The following FNTA variants were observed in gnomAD, a reference collection of about 807,000 sequenced individuals.
FNTA encodes protein farnesyltransferase/geranylgeranyltransferase type-1 subunit alpha.
Under a neutral mutation model 55.2 loss-of-function variants are expected in FNTA, and 27 were observed. The observed-to-expected ratio is 0.49, with a 90% CI of 0.36 to 0.67. The LOEUF (loss-of-function observed/expected upper bound fraction) is 0.67, where lower values mean the gene tolerates loss of function less well. Among genes scored for constraint, FNTA ranks in the 30% least tolerant of loss-of-function variants. The probability of loss-of-function intolerance (pLI) is 0.00; values close to 1 mark genes in which losing one functional copy is unlikely to be tolerated. For missense variants in FNTA, 422 were observed against 464.7 expected (o/e 0.91, Z 0.85); for synonymous variants, 176 against 170.7 (o/e 1.03, Z -0.24).
chr8:43,071,177 A>G (rs2130557666), intron 4 of FNTA, among the ~76,000 whole-genome samples: 1 of 152,172 alleles, frequency 6.6e-6, no homozygotes, highest in Admixed American at 6.5e-5. Flanking sequence ...GGTCCGTTTT[A>G]TTGAGATATA....
intron 3 of FNTA, 150 bp from the exon 4 acceptor site, chr8:43,069,405 C>G: frequency 1.7e-6 from 1 of 579,336 alleles, no homozygotes; most frequent in Non-Finnish European, 3.1e-6. Context: ...CAAGCATGAG[C>G]CACCGTGCTT....
Position 43,064,229 on chromosome 8 carries a change from A to G in FNTA, c.401+14A>G. The G allele has an allele frequency of 1.4e-6, 2 of 1,411,766 alleles. No individual in the cohort carries two copies. The highest frequency in any genetic ancestry group is 2.0e-6 in the Non-Finnish European group (2 of 997,224). 87.5% of individuals were successfully genotyped at this position (1,411,766 alleles called of 1,614,324 possible). A position where few individuals can be genotyped will look rare whatever the true frequency, so the allele number is the denominator to read the frequency against. ...TTATACAGTGTGGTAAGTAATACAC[A>G]TCATCAGTATTCCCTGCTTAAATGT... On this transcript the variant is annotated intron_variant, in intron 3 of 8. Coordinates refer to ENST00000302279, the MANE Select transcript of FNTA (RefSeq NM_002027.3).
chr8:43,066,884 AAGT>A (rs1389075174), intron 3 of FNTA, among the ~76,000 whole-genome samples: 1 of 152,060 alleles, frequency 6.6e-6, no homozygotes, highest in Non-Finnish European at 1.5e-5. Context: ...AAAGAGGATT[AAGT>A]AGTTTATTGC....
At chr8:43,076,106 C>T (rs555448720) in intron 5 of FNTA, among the ~76,000 whole-genome samples, 6 of 151,944 alleles carry the variant, frequency 3.9e-5, no homozygotes, top group South Asian at 2.1e-4. Flanking sequence ...TGCAATGGCA[C>T]GATCTCAGCT....
At position 43,085,424 on chromosome 8, in the gene FNTA, T is replaced by A. The variant is rs1001922251; in HGVS notation, c.*142T>A. The A allele has an allele frequency of 9.5e-5, 68 of 714,056 alleles. No individual in the cohort carries two copies. Among genetic ancestry groups the A allele is most frequent in the Non-Finnish European group, 9.3e-6 (4 of 427,858 alleles). 44.2% of individuals were successfully genotyped at this position (714,056 alleles called of 1,614,324 possible). ...ATTGCTTTTTAACAAGAACTGATGC[T>A]CCTTGGGTGCTGCTGCTACTCAGAC... is the stretch of plus-strand genomic sequence containing the variant. On this transcript the variant is annotated 3_prime_UTR_variant, in exon 9 of 9. Coordinates refer to ENST00000302279, the MANE Select transcript of FNTA (RefSeq NM_002027.3).
At position 43,084,867 on chromosome 8, in the gene FNTA, A is replaced by C; in HGVS notation, c.1003A>C (p.Asn335His). ...NQCDNKEDIL[N>H]KALELCEILA... ...GTGTGACAATAAGGAAGACATTCTT[A>C]ATAAAGCATTAGAGGTAAGCTGGTG... Residue 335 changes from asparagine (N) to histidine (H), a missense_variant, in exon 8 of 9, where the codon AAT becomes CAT. Asn to His is a moderately conservative substitution (Grantham distance 68). Around this residue, in one of 2 missense-constraint regions of FNTA, gnomAD observed 262 missense variants for 343.1 expected, o/e 0.76. Coordinates refer to ENST00000302279, the MANE Select transcript of FNTA (RefSeq NM_002027.3). The C allele has an allele frequency of 6.2e-7, 1 of 1,613,854 alleles. No individual in the cohort carries two copies. The highest frequency in any genetic ancestry group is 1.7e-4 in the Middle Eastern group (1 of 6,060).
rs567074559 is a variant in FNTA, at chr8:43,072,374, A to C, written c.633+67A>C. 6.4e-6 allele frequency: 8 copies of C among 1,252,166 alleles called. No individual in the cohort carries two copies. In the African/African-American group the frequency reaches 1.2e-4, roughly 19 times the overall value. The allele number at this position is 1,252,166 out of a possible 1,614,324, so 77.6% of individuals were successfully genotyped here. On this transcript the variant is annotated intron_variant, in intron 5 of 8. Transcript: ENST00000302279. ...AACTGAACTAAATAAAATTACTCTTAAAGTCTGTTTCTAAACCAAAACACA... is the reference window on the plus strand; with the variant it reads ...AACTGAACTAAATAAAATTACTCTTCAAGTCTGTTTCTAAACCAAAACACA...
intron 5 of FNTA, among the ~76,000 whole-genome samples, chr8:43,073,041 C>T (rs942982848): frequency 6.6e-6 from 1 of 152,114 alleles, no homozygotes; most frequent in African/African-American, 2.4e-5. Context: ...TTGTAACTCC[C>T]ACTCTGGGTA....
Position 43,085,410 on chromosome 8 carries a change from A to G in FNTA, c.*128A>G. Reference sequence around the variant, plus strand: ...TGCATCACACAGGTATTGCTTTTTAACAAGAACTGATGCTCCTTGGGTGCT... The same window carrying G: ...TGCATCACACAGGTATTGCTTTTTAGCAAGAACTGATGCTCCTTGGGTGCT... On this transcript the variant is annotated 3_prime_UTR_variant, in exon 9 of 9. Transcript: ENST00000302279. 1 of 809,230 alleles carries G rather than the reference A, an allele frequency of 1.2e-6. No individual in the cohort carries two copies. The highest frequency in any genetic ancestry group is 2.0e-6 in the Non-Finnish European group (1 of 503,032). 50.1% of individuals were successfully genotyped at this position (809,230 alleles called of 1,614,324 possible).
chr8:43,057,956 CAAA>C (rs71550440), intron 1 of FNTA, among the ~76,000 whole-genome samples: 10 of 69,360 alleles, frequency 1.4e-4, no homozygotes, highest in East Asian at 9.7e-4. Context: ...GACTCCATCT[CAAA>C]AAAAAAAAAA....
intron 1 of FNTA, among the ~76,000 whole-genome samples, chr8:43,058,772 G>A (rs966915283): frequency 1.3e-5 from 2 of 151,870 alleles, no homozygotes; most frequent in African/African-American, 2.4e-5. Flanking sequence ...GTGAGATTCC[G>A]TCTCAAAAAA....
chr8:43,068,443 A>T (rs1201734072), intron 3 of FNTA, among the ~76,000 whole-genome samples: 1 of 152,218 alleles, frequency 6.6e-6, no homozygotes, highest in Non-Finnish European at 1.5e-5. Context: ...CCTATGGGGA[A>T]ATTAAAGACA....
rs1054872725 is a variant in FNTA at position 43,064,564 on chromosome 8, C to T, written c.401+349C>T. Among the ~76,000 whole-genome samples the T allele has an allele frequency of 2.6e-5, 4 of 152,212 alleles. No homozygotes were observed. In the South Asian group the frequency reaches 6.2e-4, roughly 24 times the overall value. ...TCCTGACTTAAGGTGATCCACTCCCCGCGGCCTCCTAAAGTGTTTGGATTG... is the reference window on the plus strand; with the variant it reads ...TCCTGACTTAAGGTGATCCACTCCCTGCGGCCTCCTAAAGTGTTTGGATTG... On this transcript the variant is annotated intron_variant, in intron 3 of 8. Transcript: ENST00000302279.
At chr8:43,060,030 G>A (rs747638136) in intron 2 of FNTA, among the ~76,000 whole-genome samples, 1 of 152,120 alleles carries the variant, frequency 6.6e-6, no homozygotes, top group Non-Finnish European at 1.5e-5. Context: ...ATCAAATAAT[G>A]GTTGGAACAG....
At chr8:43,060,883 CTG>C (rs753212571) in intron 2 of FNTA, among the ~76,000 whole-genome samples, 10 of 152,042 alleles carry the variant, frequency 6.6e-5, no homozygotes, top group East Asian at 1.9e-4. Context: ...CATATTAAAA[CTG>C]AGACGTTTTT....
chr8:43,077,275 G>A lies in FNTA; in HGVS notation c.693G>A (p.Val231=). 6.2e-7 allele frequency: 1 copy of A among 1,611,442 alleles called. No homozygotes were observed. The highest frequency in any genetic ancestry group is 2.2e-5 in the East Asian group (1 of 44,798). The change falls in exon 6 of 9, where the codon GTG becomes GTA. Residue 231 remains valine, a synonymous_variant. Transcript: ENST00000302279. ...TGGACCAACTTCTGAAAGAGGATGT[G>A]AGAAATAACTCTGTCTGGAACCAAA... is the stretch of plus-strand genomic sequence containing the variant. ...QYVDQLLKED[V]RNNSVWNQRY...
At chr8:43,072,066 AG>A (rs760325517) in intron 4 of FNTA, 114 bp from the exon 5 acceptor site, 1 of 685,818 alleles carries the variant, frequency 1.5e-6, no homozygotes, top group Non-Finnish European at 2.2e-6. Context: ...TAAGAATTAG[AG>A]ATGAATTTTT....
At chr8:43,061,724 ATTT>A (rs879853318) in intron 2 of FNTA, among the ~76,000 whole-genome samples, 1 of 147,952 alleles carries the variant, frequency 6.8e-6, no homozygotes, top group Non-Finnish European at 1.5e-5. Context: ...GTTGTTTATA[ATTT>A]TTTTTTTTTG....
At chr8:43,059,051 T>G in intron 1 of FNTA, 41 bp from the exon 2 acceptor site, 1 of 1,421,348 alleles carries the variant, frequency 7.0e-7, no homozygotes, top group Non-Finnish European at 9.9e-7. Flanking sequence ...TTTTCTTCTG[T>G]ATTTGAATGT....
Sources: allele counts gnomAD v4.1 joint callset (sites outside exome capture counted in the v4.1 genomes callset), GRCh38; gene constraint gnomAD v4.1.1; regional missense constraint gnomAD v4.1.1; transcripts MANE v1.5; gene names NCBI Gene and HGNC (gene_info 2026-07-23, HGNC 2026-07-21).